PTBP1: variants seen among roughly 807,000 people sequenced by gnomAD.
The protein encoded by PTBP1 is polypyrimidine tract-binding protein 1.
Under a neutral mutation model 59.8 loss-of-function variants are expected in PTBP1, and 8 were observed. The observed-to-expected ratio is 0.13, with a 90% CI of 0.08 to 0.24. The LOEUF (loss-of-function observed/expected upper bound fraction) is 0.24. Ranked by LOEUF, PTBP1 falls within the 10% of genes least tolerant of loss-of-function variation. The pLI, the probability that PTBP1 is intolerant of heterozygous loss-of-function variation, is 1.00. For missense variants in PTBP1, 686 were observed against 767.0 expected, an observed-to-expected ratio of 0.89 and a Z score of 1.25; for synonymous variants, 490 against 320.7, an observed-to-expected ratio of 1.53 and a Z score of -5.64.
In PTBP1 at chr19:808,583, G is replaced by A. The variant is rs201414173; in HGVS notation, c.1284G>A (p.Lys428=). 16 of 1,604,604 alleles carry A rather than the reference G, an allele frequency of 1.0e-5. No individual in the cohort carries two copies. In the East Asian group the frequency reaches 1.1e-4, roughly 11 times the overall value. ...SHLNGHKLHG[K]PIRITLSKHQ... ...TGAACGGGCACAAGCTGCACGGGAAGCCCATCCGCATCACGCTCTCGAAGC... is the reference window on the plus strand; with the variant it reads ...TGAACGGGCACAAGCTGCACGGGAAACCCATCCGCATCACGCTCTCGAAGC... The change falls in exon 13 of 15, where the codon AAG becomes AAA. Residue 428 remains lysine (K), a synonymous_variant. Coordinates refer to ENST00000356948, the MANE Select transcript of PTBP1 (RefSeq NM_002819.5). This position sits in a 1 kb window ranked among gnomAD's most constrained non-coding sequence, Gnocchi z 4.7.
intron 2 of PTBP1, among the ~76,000 whole-genome samples, chr19:803,202 G>A (rs351985): frequency 0.087 from 13,218 of 152,212 alleles, 1,907 homozygotes; most frequent in African/African-American, 0.3. Context: ...GAGGCCCCAG[G>A]CCTGTGCCCA....
chr19:809,134 G>A (rs953433350), intron 13 of PTBP1, among the ~76,000 whole-genome samples: 6 of 151,750 alleles, frequency 4.0e-5, no homozygotes, highest in East Asian at 1.9e-4. Flanking sequence ...TCAGCTTCCC[G>A]AGTAGCTGGG....
At chr19:806,846 G>A (rs1052597151) in intron 10 of PTBP1, 4 of 287,762 alleles carry the variant, frequency 1.4e-5, no homozygotes, top group East Asian at 6.2e-5. Context: ...AGCAGGGCGC[G>A]CAGTTCAGAG....
Position 808,758 on chromosome 19 carries a change from A to G in PTBP1, c.1459A>G (p.Ile487Val). The G allele has an allele frequency of 6.2e-7, 1 of 1,607,812 alleles. No homozygotes were observed. The highest frequency in any genetic ancestry group is 1.1e-5 in the South Asian group (1 of 90,736). The change falls in exon 13 of 15, where the codon ATC (isoleucine) becomes GTC (valine). Residue 487 changes from isoleucine (I) to valine (V), a missense_variant. Physicochemically the swap from Ile to Val is conservative, Grantham distance 29. Transcript: ENST00000356948. The surrounding 1 kb of genome is among the most constrained non-coding windows in gnomAD (Gnocchi z 4.7). ...PPSATLHLSNIPPSVSEEDLK... is the reference protein window; with the variant it reads ...PPSATLHLSNVPPSVSEEDLK... The stretch of plus-strand genomic sequence containing the variant: ...CTCGGCCACGCTGCACCTCTCCAAC[A>G]TCCCGTGAGTGCTGGGCCGGGGGGC...
intron 8 of PTBP1, 101 bp downstream of exon 8, chr19:805,288 T>C (rs924939530): frequency 1.5e-6 from 2 of 1,377,530 alleles, no homozygotes; most frequent in African/African-American, 2.9e-5. Context: ...ACCAGGGTGA[T>C]GCACCTGCTG....
chr19:805,420 C>G, intron 8 of PTBP1, 72 bp from the exon 9 acceptor site: 2 of 1,458,526 alleles, frequency 1.4e-6, no homozygotes, highest in Non-Finnish European at 1.9e-6. Context: ...GGGTTGGGGC[C>G]CATCCCGCAG....
At chr19:799,079 C>T (rs116543911) in intron 1 of PTBP1, among the ~76,000 whole-genome samples, 1,736 of 152,298 alleles carry the variant, frequency 0.011, 36 homozygotes, top group African/African-American at 0.04. Context: ...CCCTTGAACC[C>T]TCTCAGCGGC....
chr19:800,842 G>T (rs1018535312), intron 2 of PTBP1, among the ~76,000 whole-genome samples: 1 of 152,194 alleles, frequency 6.6e-6, no homozygotes, highest in African/African-American at 2.4e-5. Context: ...TCCATCGGGT[G>T]GTCCTTGAGC....
chr19:800,717 G>A (rs1366723243), intron 2 of PTBP1, among the ~76,000 whole-genome samples: 3 of 152,354 alleles, frequency 2.0e-5, no homozygotes, highest in African/African-American at 4.8e-5. Flanking sequence ...TGGGAGGAGG[G>A]AGAGGTACTT....
rs1447524927 is a variant in PTBP1, at chr19:808,272, C to T, written c.1154-88C>T. On this transcript the variant is annotated intron_variant, in intron 11 of 14. Transcript: ENST00000356948. This position sits in a 1 kb window ranked among gnomAD's most constrained non-coding sequence, Gnocchi z 4.7. Reference sequence around the variant, plus strand: ...CAAACCCGGCCGGGCTGAGCCGGGCCTTGTGGGGGTGCGCGGGGCCGGGGC... The same window carrying T: ...CAAACCCGGCCGGGCTGAGCCGGGCTTTGTGGGGGTGCGCGGGGCCGGGGC... 9.5e-6 allele frequency: 11 copies of T among 1,152,856 alleles called. No individual in the cohort carries two copies. The highest frequency in any genetic ancestry group is 2.6e-5 in the East Asian group (1 of 38,952). 71.4% of individuals were successfully genotyped at this position (1,152,856 alleles called of 1,614,324 possible).
rs370263520 is a variant in PTBP1, at chr19:804,561, C to T, written c.465C>T (p.Asn155=). Residue 155 remains asparagine (N), a synonymous_variant, in exon 6 of 15, where the codon AAC becomes AAT. Transcript: ENST00000356948. The part of the protein sequence containing the change: ...ARAQAALQAV[N]SVQSGNLALA... ...CCCAGGCGGCCCTGCAGGCGGTGAA[C>T]TCGGTCCAGTCGGGGAACCTGGCCT... 6.2e-7 allele frequency: 1 copy of T among 1,607,896 alleles called. No individual in the cohort carries two copies. The highest frequency in any genetic ancestry group is 1.3e-5 in the African/African-American group (1 of 75,014).
At chr19:803,512 G>A in intron 2 of PTBP1, 49 bp from the exon 3 acceptor site, 3 of 1,538,006 alleles carry the variant, frequency 2.0e-6, no homozygotes, top group Non-Finnish European at 2.7e-6. Flanking sequence ...GGGAAGGGAG[G>A]CTCTGGCCTG....
chr19:804,310 A>G lies in PTBP1; in HGVS notation c.307A>G (p.Thr103Ala). ...CCAACAGGCCTTCATCGAGATGAAC[A>G]CGGAGGAGGCTGCCAACACCATGGT... ...GKNQAFIEMN[T>A]EEAANTMVNY... is the part of the protein sequence containing the mutation. Residue 103 changes from threonine to alanine, a missense_variant, in exon 5 of 15, where the codon ACG becomes GCG. Thr to Ala is a moderately conservative substitution (Grantham distance 58, BLOSUM62 0). Coordinates refer to ENST00000356948, the MANE Select transcript of PTBP1 (RefSeq NM_002819.5). 6.2e-7 allele frequency: 1 copy of G among 1,613,808 alleles called. No homozygotes were observed. The highest frequency in any genetic ancestry group is 8.5e-7 in the Non-Finnish European group (1 of 1,179,972).
rs543850823 is a variant in PTBP1, at chr19:811,129, C to T, written c.*303C>T. 17 of 277,914 alleles carry T rather than the reference C, an allele frequency of 6.1e-5. No homozygotes were observed. The highest frequency in any genetic ancestry group is 3.1e-4 in the African/African-American group (14 of 45,580). The allele number at this position is 277,914 out of a possible 1,614,324, so 17.2% of individuals were successfully genotyped here. A position where few individuals can be genotyped will look rare whatever the true frequency, so the allele number is the denominator to read the frequency against. On this transcript the variant is annotated 3_prime_UTR_variant, in exon 15 of 15. Transcript: ENST00000356948. Reference sequence around the variant, plus strand: ...GTCGGGCGTGGGGCCTGCAGGTGGGCGCCCCGACCACGACTTGGCTTCCTT... The same window carrying T: ...GTCGGGCGTGGGGCCTGCAGGTGGGTGCCCCGACCACGACTTGGCTTCCTT...
chr19:797,600 CT>C, intron 1 of PTBP1, 95 bp downstream of exon 1: 1 of 890,612 alleles, frequency 1.1e-6, no homozygotes, highest in South Asian at 4.6e-5. Context: ...ATCTCGCCCC[CT>C]CTCGGGCGGG....
chr19:810,462 A>G, intron 13 of PTBP1, 81 bp from the exon 14 acceptor site: 1 of 1,219,074 alleles, frequency 8.2e-7, no homozygotes, highest in African/African-American at 1.5e-5. Flanking sequence ...TCTGAAAACT[A>G]GTCTGGGGAA....
rs2034849997 is a variant in PTBP1 at position 811,215 on chromosome 19, A to G, written c.*389A>G. ...CCCACCCGGGGTGTCCTGGGGACCC[A>G]AGGGGTGGGGGGGTCACACCAGAGA... On this transcript the variant is annotated 3_prime_UTR_variant, in exon 15 of 15. Transcript: ENST00000356948. 1 of 160,176 alleles carries G rather than the reference A, an allele frequency of 6.2e-6. No individual in the cohort carries two copies. The highest frequency in any genetic ancestry group is 1.4e-5 in the Non-Finnish European group (1 of 73,482). 9.9% of individuals were successfully genotyped at this position (160,176 alleles called of 1,614,324 possible).
intron 1 of PTBP1, among the ~76,000 whole-genome samples, chr19:797,833 C>T (rs1035473390): frequency 2.0e-5 from 3 of 148,674 alleles, no homozygotes; most frequent in South Asian, 2.1e-4. Context: ...CGGCCCTTCC[C>T]GCTTCCCGTC....
rs573327827 is a variant in PTBP1, at chr19:811,991, C to T, written c.*1165C>T. On this transcript the variant is annotated 3_prime_UTR_variant, in exon 15 of 15. Transcript: ENST00000356948. ...CGGGGGCTCTCCTAGGATCCCCTTT[C>T]CGTAAAAGCGTGTAACAAGGGTGTA... 195 of 152,518 alleles carry T rather than the reference C, an allele frequency of 1.3e-3. No homozygotes were observed. The highest frequency in any genetic ancestry group is 2.0e-3 in the Non-Finnish European group (137 of 68,026). 9.4% of individuals were successfully genotyped at this position (152,518 alleles called of 1,614,324 possible). A position where few individuals can be genotyped will look rare whatever the true frequency, so the allele number is the denominator to read the frequency against.
Sources: gnomAD v4.1 joint callset for allele counts (sites outside exome capture counted in the v4.1 genomes callset) on GRCh38, gnomAD v4.1.1 for gene constraint, Gnocchi (gnomAD v3.1) non-coding constraint, MANE v1.5 for transcripts, NCBI Gene and HGNC (gene_info 2026-07-23, HGNC 2026-07-21) for gene names.